NRDE2: variants seen among roughly 807,000 people sequenced by gnomAD.
NRDE2 encodes nuclear exosome regulator NRDE2.
NRDE2 carries 76 observed loss-of-function variants against 124.2 expected under a neutral mutation model. That is an observed-to-expected ratio of 0.61 (90% CI 0.51 to 0.74). The LOEUF is 0.74. Ranked by LOEUF, NRDE2 falls within the 30% of genes least tolerant of loss-of-function variation. The probability of loss-of-function intolerance (pLI) is 0.00; values close to 1 mark genes in which losing one functional copy is unlikely to be tolerated. For synonymous variants in NRDE2, 489 were observed against 528.1 expected, an observed-to-expected ratio of 0.93 and a Z score of 1.01; for missense variants, 1,314 against 1,417.3, an observed-to-expected ratio of 0.93 and a Z score of 1.17.
At chr14:90,285,396 C>A (rs10136274) in intron 12 of NRDE2, among the ~76,000 whole-genome samples, 6 of 148,312 alleles carry the variant, frequency 4.0e-5, no homozygotes, top group Non-Finnish European at 8.9e-5. Context: ...CTGCCTCCCG[C>A]GTTCCAGCGA....
chr14:90,287,033 CAAAAAAAAAAAAAAAAA>C (rs60863011), intron 11 of NRDE2, among the ~76,000 whole-genome samples: 145 of 23,830 alleles, frequency 6.1e-3, no homozygotes, highest in Middle Eastern at 0.042. Context: ...GACTCCGTCT[CAAAAAAAAAAAAAAAAA>C]AAAAAAAAAA....
At chr14:90,294,828 A>G (rs893699759) in intron 8 of NRDE2, among the ~76,000 whole-genome samples, 8 of 152,214 alleles carry the variant, frequency 5.3e-5, no homozygotes, top group Non-Finnish European at 8.8e-5. Context: ...ATTTTATATT[A>G]TATTTTACAA....
chr14:90,304,534 A>C, intron 4 of NRDE2, 152 bp from the exon 5 acceptor site: 1 of 591,752 alleles, frequency 1.7e-6, no homozygotes. Flanking sequence ...TTGGAGATAC[A>C]CAAGGACTAG....
chr14:90,283,810 C>T (rs2139668247), intron 12 of NRDE2, among the ~76,000 whole-genome samples: 1 of 151,102 alleles, frequency 6.6e-6, no homozygotes, highest in East Asian at 1.9e-4. Context: ...CTCCTGGGTT[C>T]AAGCGATTCT....
intron 1 of NRDE2, among the ~76,000 whole-genome samples, chr14:90,326,623 G>A (rs1885450628): frequency 6.6e-6 from 1 of 152,106 alleles, no homozygotes; most frequent in South Asian, 2.1e-4. Flanking sequence ...AAAGTGACAG[G>A]TTGGAGAAAC....
intron 4 of NRDE2, among the ~76,000 whole-genome samples, chr14:90,306,235 C>T (rs1016794467): frequency 4.6e-5 from 7 of 152,234 alleles, no homozygotes; most frequent in Non-Finnish European, 1.0e-4. Flanking sequence ...TCCCAGGAAG[C>T]TCCGCTCCAC....
At chr14:90,304,885 T>C (rs1189938050) in intron 4 of NRDE2, among the ~76,000 whole-genome samples, 2 of 152,214 alleles carry the variant, frequency 1.3e-5, no homozygotes, top group Non-Finnish European at 2.9e-5. Flanking sequence ...ATTCTTTTTT[T>C]AATCCTGAAA....
intron 10 of NRDE2, 76 bp from the exon 11 acceptor site, chr14:90,289,221 C>A: frequency 2.3e-6 from 3 of 1,278,316 alleles, no homozygotes; most frequent in Admixed American, 2.2e-5. Context: ...GTAGAAAGCA[C>A]TGACAGGAAA....
intron 6 of NRDE2, among the ~76,000 whole-genome samples, chr14:90,302,337 T>C (rs150845898): frequency 5.3e-5 from 8 of 152,320 alleles, no homozygotes; most frequent in African/African-American, 1.9e-4. Context: ...AAAACTTCTA[T>C]TTATGCAGTG....
At position 90,269,261 on chromosome 14, in the gene NRDE2, T is replaced by C. The variant is rs1045382809; in HGVS notation, c.*9075A>G. ...GTGCTGAATTTATTTTTTCCGAGCA[T>C]AATTGAGGGAGTGCCATGTGAGTTG... On this transcript the variant is annotated 3_prime_UTR_variant, in exon 14 of 14. Transcript: ENST00000354366. The C allele has an allele frequency of 1.6e-5, 12 of 732,004 alleles. No homozygotes were observed. The African/African-American group carries it at 2.0e-4, about 12-fold the overall frequency. The allele number at this position is 732,004 out of a possible 1,614,324, so 45.3% of individuals were successfully genotyped here.
At chr14:90,310,597 T>C (rs1184720069) in intron 4 of NRDE2, among the ~76,000 whole-genome samples, 2 of 151,484 alleles carry the variant, frequency 1.3e-5, no homozygotes, top group African/African-American at 4.9e-5. Context: ...CTTGGCTCAC[T>C]GCAACCTCCA....
chr14:90,302,438 G>C (rs974114325), intron 6 of NRDE2, among the ~76,000 whole-genome samples: 1 of 152,106 alleles, frequency 6.6e-6, no homozygotes, highest in African/African-American at 2.4e-5. Flanking sequence ...TAAGGCCACC[G>C]ACTGCCAAAG....
At chr14:90,278,649 C>T (rs765989408) in intron 13 of NRDE2, 188 bp from the exon 14 acceptor site, 7 of 651,202 alleles carry the variant, frequency 1.1e-5, no homozygotes, top group African/African-American at 1.8e-5. Flanking sequence ...ACACTGAACT[C>T]GCAAAAGTGA....
chr14:90,301,737 A>G (rs1767165017), intron 6 of NRDE2: 1 of 456,012 alleles, frequency 2.2e-6, no homozygotes, highest in South Asian at 1.6e-5. Flanking sequence ...GAAAGCAAAG[A>G]GCTGTATTCA....
At position 90,288,367 on chromosome 14, in the gene NRDE2, G is replaced by T. The variant is rs201946043; in HGVS notation, c.3008C>A (p.Ser1003Tyr). Residue 1003 changes from serine (S) to tyrosine (Y), a missense_variant, in exon 11 of 14, where the codon TCC (serine) becomes TAC (tyrosine). By Grantham distance (144) the Ser-to-Tyr change is moderately radical. Coordinates refer to ENST00000354366, the MANE Select transcript of NRDE2 (RefSeq NM_017970.4). Reference sequence around the variant, plus strand: ...GGACTTATTCTGAATCTGTACATAGGACCTCCAAAGAACCTGGTTGCCTGG... The same window carrying T: ...GGACTTATTCTGAATCTGTACATAGTACCTCCAAAGAACCTGGTTGCCTGG... ...LYPGNQVLWR[S>Y]YVQIQNKSHS... is the part of the protein sequence containing the mutation. 31 of 1,614,124 alleles carry T rather than the reference G, an allele frequency of 1.9e-5. No individual in the cohort carries two copies. The African/African-American group carries it at 3.5e-4, about 18-fold the overall frequency.
intron 8 of NRDE2, among the ~76,000 whole-genome samples, chr14:90,297,285 A>G (rs2139683239): frequency 6.6e-6 from 1 of 152,276 alleles, no homozygotes; most frequent in Middle Eastern, 3.4e-3. Context: ...AAAGCATGCA[A>G]TTGGCATCTG....
intron 12 of NRDE2, among the ~76,000 whole-genome samples, chr14:90,285,046 A>G (rs893267699): frequency 6.6e-6 from 1 of 152,030 alleles, no homozygotes; most frequent in African/African-American, 2.4e-5. Flanking sequence ...TCAGAGGATG[A>G]GACAGGCGGA....
intron 7 of NRDE2, among the ~76,000 whole-genome samples, chr14:90,301,029 A>G (rs1264715983): frequency 6.6e-6 from 1 of 150,574 alleles, no homozygotes; most frequent in East Asian, 2.0e-4. Context: ...TCCACATCTC[A>G]CCATTTTCAT....
At chr14:90,330,301 T>G (rs771486598) in intron 1 of NRDE2, among the ~76,000 whole-genome samples, 5 of 152,138 alleles carry the variant, frequency 3.3e-5, no homozygotes, top group Non-Finnish European at 7.4e-5. Flanking sequence ...TACTATACAC[T>G]TCTTTTAGGT....
Sources: allele counts gnomAD v4.1 joint callset (sites outside exome capture counted in the v4.1 genomes callset), GRCh38; gene constraint gnomAD v4.1.1; transcripts MANE v1.5; gene names NCBI Gene and HGNC (gene_info 2026-07-23, HGNC 2026-07-21).